The following TMEM181 variants were observed in gnomAD, a reference collection of about 807,000 sequenced individuals.
TMEM181 encodes transmembrane protein 181, also known as G protein-coupled receptor 178.
Under a neutral mutation model 71.9 loss-of-function variants are expected in TMEM181, and 39 were observed. That is an observed-to-expected ratio of 0.54 (90% CI 0.42 to 0.71). The LOEUF (loss-of-function observed/expected upper bound fraction) is 0.71. TMEM181 is among the 30% of genes least tolerant of loss of function. TMEM181 has a pLI of 0.00. For missense variants in TMEM181, 595 were observed against 583.0 expected, an observed-to-expected ratio of 1.02 and a Z score of -0.21; for synonymous variants, 245 against 228.8, an observed-to-expected ratio of 1.07 and a Z score of -0.64.
intron 2 of TMEM181, among the ~76,000 whole-genome samples, chr6:158,573,841 G>T (rs538125260): frequency 6.6e-6 from 1 of 152,288 alleles, no homozygotes; most frequent in African/African-American, 2.4e-5. Context: ...CTGGGCGCTG[G>T]TGTGTCCAGA....
chr6:158,583,068 A>G (rs972900587), intron 3 of TMEM181, among the ~76,000 whole-genome samples: 2 of 152,110 alleles, frequency 1.3e-5, no homozygotes, highest in African/African-American at 4.8e-5. Flanking sequence ...CTCCATCTCT[A>G]CTAGAAATAG....
chr6:158,608,233 T>A, intron 8 of TMEM181, 100 bp from the exon 9 acceptor site: 1 of 778,662 alleles, frequency 1.3e-6, no homozygotes, highest in Middle Eastern at 3.6e-4. Context: ...AGGTATGGGG[T>A]GCTCTCTGCT....
intron 5 of TMEM181, among the ~76,000 whole-genome samples, chr6:158,586,673 C>T (rs1208351179): frequency 3.3e-5 from 5 of 151,106 alleles, no homozygotes; most frequent in Non-Finnish European, 4.4e-5. Context: ...AAGGGCTAGG[C>T]GCAGTGGCTC....
intron 3 of TMEM181, among the ~76,000 whole-genome samples, chr6:158,581,331 G>A (rs1783458345): frequency 6.6e-6 from 1 of 152,178 alleles, no homozygotes; most frequent in Admixed American, 6.5e-5. Context: ...TACCACTTAG[G>A]TGTCTCATCT....
chr6:158,589,791 A>G lies in TMEM181; in HGVS notation c.492+9A>G. The G allele has an allele frequency of 6.3e-7, 1 of 1,578,796 alleles. No homozygotes were observed. The highest frequency in any genetic ancestry group is 1.1e-5 in the South Asian group (1 of 90,132). On this transcript the variant is annotated intron_variant, in intron 6 of 16. Transcript: ENST00000684151. ...AGGGAATGAACTTCACAGTAAGTAT[A>G]CCAGCTGACTGCACGTTTCCATGGC...
chr6:158,590,869 C>A (rs1172491569), intron 6 of TMEM181, among the ~76,000 whole-genome samples: 1 of 152,206 alleles, frequency 6.6e-6, no homozygotes, highest in Admixed American at 6.5e-5. Flanking sequence ...CATTCCCTCC[C>A]CCACAGTCCT....
chr6:158,574,478 A>G (rs1000162384), intron 2 of TMEM181, among the ~76,000 whole-genome samples: 4 of 152,172 alleles, frequency 2.6e-5, no homozygotes, highest in Non-Finnish European at 4.4e-5. Context: ...TTGGTAGGGG[A>G]GGCATTAATA....
At chr6:158,570,564 A>T (rs74298036) in intron 1 of TMEM181, among the ~76,000 whole-genome samples, 1 of 152,102 alleles carries the variant, frequency 6.6e-6, no homozygotes, top group South Asian at 2.1e-4. Flanking sequence ...TTCAATTCAC[A>T]GGTGGGGAAA....
At chr6:158,588,499 G>A (rs1783915822) in intron 5 of TMEM181, among the ~76,000 whole-genome samples, 2 of 152,210 alleles carry the variant, frequency 1.3e-5, no homozygotes. Flanking sequence ...GCCCAGGCTG[G>A]AGTGCAATGG....
intron 13 of TMEM181, 54 bp downstream of exon 13, chr6:158,625,808 C>T (rs911984663): frequency 4.8e-5 from 71 of 1,493,490 alleles, no homozygotes; most frequent in African/African-American, 1.7e-4. Flanking sequence ...CTTTTACTGT[C>T]AGGAATATCT....
intron 7 of TMEM181, 32 bp from the exon 8 acceptor site, chr6:158,607,212 G>A (rs1480816939): frequency 3.8e-6 from 6 of 1,580,266 alleles, no homozygotes; most frequent in Middle Eastern, 1.7e-4. Flanking sequence ...TGTGAGCAAA[G>A]GCAGTAACTG....
chr6:158,603,141 C>T (rs1040707045), intron 6 of TMEM181, among the ~76,000 whole-genome samples: 2 of 152,106 alleles, frequency 1.3e-5, no homozygotes, highest in Non-Finnish European at 2.9e-5. Flanking sequence ...ATTATCTCTT[C>T]AAATACTTTT....
intron 6 of TMEM181, among the ~76,000 whole-genome samples, chr6:158,597,481 G>A (rs938544864): frequency 1.3e-5 from 2 of 152,036 alleles, no homozygotes; most frequent in African/African-American, 2.4e-5. Context: ...GGAAGGGATG[G>A]AAGGACAAAG....
intron 1 of TMEM181, among the ~76,000 whole-genome samples, chr6:158,561,467 A>G (rs1471667304): frequency 2.0e-5 from 3 of 152,170 alleles, no homozygotes; most frequent in African/African-American, 7.2e-5. Context: ...GTCTTGTGGA[A>G]CTGTGGCCTT....
At chr6:158,631,206 C>G (rs532695324) in intron 15 of TMEM181, 117 bp from the exon 16 acceptor site, 1 of 1,008,514 alleles carries the variant, frequency 9.9e-7, no homozygotes. Flanking sequence ...GACATGGCAG[C>G]TCTGCGATTT....
intron 10 of TMEM181, among the ~76,000 whole-genome samples, chr6:158,613,289 C>T (rs1237826515): frequency 2.0e-5 from 3 of 152,144 alleles, no homozygotes; most frequent in Admixed American, 2.0e-4. Context: ...TATTAAAAGA[C>T]AAATCATAAT....
chr6:158,619,928 G>T (rs1205590792), intron 10 of TMEM181, among the ~76,000 whole-genome samples: 7 of 151,260 alleles, frequency 4.6e-5, no homozygotes, highest in African/African-American at 1.7e-4. Flanking sequence ...ACATAGAGAG[G>T]GTAGAGGAAA....
chr6:158,544,176 G>GGAGAGAGAGA (rs142404272), intron 1 of TMEM181, among the ~76,000 whole-genome samples: 9 of 121,908 alleles, frequency 7.4e-5, no homozygotes, highest in Admixed American at 9.0e-5. Flanking sequence ...GGTGCAAATT[G>GGAGAGAGAGA]GAGAGAGTGT....
At chr6:158,600,680 A>G (rs1346730662) in intron 6 of TMEM181, among the ~76,000 whole-genome samples, 1 of 152,084 alleles carries the variant, frequency 6.6e-6, no homozygotes, top group Non-Finnish European at 1.5e-5. Context: ...GATGTTGCCC[A>G]GGCTGGTCTC....
Sources: allele counts gnomAD v4.1 joint callset (sites outside exome capture counted in the v4.1 genomes callset), GRCh38; gene constraint gnomAD v4.1.1; transcripts MANE v1.5; gene names NCBI Gene and HGNC (gene_info 2026-07-23, HGNC 2026-07-21).